Variants in TRIM37 observed in about 807,000 individuals in gnomAD.
TRIM37 encodes E3 ubiquitin-protein ligase TRIM37.
Under a neutral mutation model 129.8 loss-of-function variants are expected in TRIM37, and 80 were observed. The ratio of observed to expected loss-of-function variants is 0.62; its 90% CI spans 0.51 to 0.74. The LOEUF (loss-of-function observed/expected upper bound fraction) is 0.74, where lower values mean the gene tolerates loss of function less well. Ranked by LOEUF, TRIM37 falls within the 30% of genes least tolerant of loss-of-function variation. TRIM37 has a pLI of 0.00. For synonymous variants in TRIM37, 389 were observed against 387.1 expected, an observed-to-expected ratio of 1.00 and a Z score of -0.06; for missense variants, 1,054 against 1,176.5, an observed-to-expected ratio of 0.90 and a Z score of 1.52.
intron 9 of TRIM37, among the ~76,000 whole-genome samples, chr17:59,069,979 A>G (rs1217017575): frequency 6.6e-6 from 1 of 152,234 alleles, no homozygotes; most frequent in Non-Finnish European, 1.5e-5. Context: ...TCGAACTGTG[A>G]GAAAATACAT....
chr17:59,002,379 T>C (rs1046088053), intron 22 of TRIM37, among the ~76,000 whole-genome samples: 9 of 152,022 alleles, frequency 5.9e-5, no homozygotes, highest in Non-Finnish European at 1.5e-5. Context: ...GGTCCACAGG[T>C]ACATGACACC....
chr17:59,010,736 G>A (rs907421308), intron 22 of TRIM37, among the ~76,000 whole-genome samples: 1 of 151,908 alleles, frequency 6.6e-6, no homozygotes, highest in Non-Finnish European at 1.5e-5. Flanking sequence ...CAAGTGATCC[G>A]CCTGCCTCAG....
chr17:59,038,406 C>A lies in TRIM37; in HGVS notation c.1753+3407G>T, dbSNP rs2038790622. Among the ~76,000 whole-genome samples the A allele has an allele frequency of 1.3e-5, 2 of 152,030 alleles. 1 individual carries two copies. The highest frequency in any genetic ancestry group is 1.3e-4 in the Admixed American group (2 of 15,260). On this transcript the variant is annotated intron_variant, in intron 17 of 23. Coordinates refer to ENST00000262294, the MANE Select transcript of TRIM37 (RefSeq NM_015294.6). ...ATTTCTGCCAAATACATAAATTTCCCAAAGCATATAATAAAAATAAACTGG... is the reference window on the plus strand; with the variant it reads ...ATTTCTGCCAAATACATAAATTTCCAAAAGCATATAATAAAAATAAACTGG...
intron 16 of TRIM37, 139 bp from the exon 17 acceptor site, chr17:59,042,037 C>A: frequency 1.5e-6 from 1 of 683,430 alleles, no homozygotes; most frequent in Non-Finnish European, 2.5e-6. Flanking sequence ...AGATTTTTGT[C>A]ATTTTCCAAA....
In TRIM37 at chr17:59,015,784, G is replaced by A. The variant is rs1178454397; in HGVS notation, c.2402C>T (p.Ser801Phe). ...QTLSEGSPGS[S>F]QSGSRHSSPR... ...AGAACTGTGCCTGCTCCCAGACTGA[G>A]AGCTTCCTGGGGAGCCTTCAAAAAA... is the stretch of plus-strand genomic sequence containing the variant. The change falls in exon 21 of 24, where the codon TCT (serine) becomes TTT (phenylalanine). Residue 801 changes from serine (S) to phenylalanine (F), a missense_variant. Ser to Phe is a radical substitution (Grantham distance 155). Coordinates refer to ENST00000262294, the MANE Select transcript of TRIM37 (RefSeq NM_015294.6). 6.2e-6 allele frequency: 10 copies of A among 1,613,230 alleles called. No individual in the cohort carries two copies. Among genetic ancestry groups the A allele is most frequent in the Non-Finnish European group, 8.5e-6 (10 of 1,179,954 alleles).
downstream of TRIM37, among the ~76,000 whole-genome samples, chr17:58,977,947 T>C (rs1205448691): frequency 2.6e-5 from 4 of 152,214 alleles, no homozygotes; most frequent in Non-Finnish European, 5.9e-5. Context: ...TTCACCATGA[T>C]GGCCAGGCTG....
At chr17:58,992,322 A>AATATATATATAT (rs35222079) in intron 24 of TRIM37, among the ~76,000 whole-genome samples, 1 of 137,792 alleles carries the variant, frequency 7.3e-6, no homozygotes, top group African/African-American at 2.7e-5. Context: ...TACATATGTA[A>AATATATATATAT]ATATATATAT....
At chr17:59,057,874 C>T (rs1488893245) in intron 12 of TRIM37, among the ~76,000 whole-genome samples, 1 of 152,004 alleles carries the variant, frequency 6.6e-6, no homozygotes, top group Non-Finnish European at 1.5e-5. Flanking sequence ...GCAATAGGTC[C>T]TTTTTTCCTC....
intron 3 of TRIM37, among the ~76,000 whole-genome samples, chr17:59,090,926 G>A (rs1462700207): frequency 6.6e-6 from 1 of 151,968 alleles, no homozygotes; most frequent in African/African-American, 2.4e-5. Flanking sequence ...CACTGTGCCC[G>A]GCCAAGCTAT....
downstream of TRIM37, chr17:58,980,422 T>C: frequency 6.2e-7 from 1 of 1,614,088 alleles, no homozygotes; most frequent in Admixed American, 1.7e-5. The surrounding 1 kb of genome is among the most constrained non-coding windows in gnomAD (Gnocchi z 4.7). Flanking sequence ...CTGATAGAAC[T>C]AGCCTGAGCC....
intron 13 of TRIM37, among the ~76,000 whole-genome samples, chr17:59,054,934 G>A (rs955955921): frequency 7.9e-5 from 12 of 152,026 alleles, no homozygotes; most frequent in African/African-American, 2.9e-4. Flanking sequence ...CCAAAGTGCT[G>A]GGATTACAGG....
chr17:59,020,669 G>A (rs1258437724), intron 19 of TRIM37, among the ~76,000 whole-genome samples: 4 of 152,088 alleles, frequency 2.6e-5, no homozygotes. Context: ...GTAAAAATCT[G>A]AATAGATATT....
At chr17:59,053,548 T>C (rs1308764927) in intron 13 of TRIM37, among the ~76,000 whole-genome samples, 16 of 152,190 alleles carry the variant, frequency 1.1e-4, no homozygotes. Context: ...GCATATGGTA[T>C]AGACTCAATG....
intron 1 of TRIM37, among the ~76,000 whole-genome samples, chr17:59,106,033 T>C (rs1456880878): frequency 6.6e-6 from 1 of 152,156 alleles, no homozygotes; most frequent in Non-Finnish European, 1.5e-5. Context: ...GCCTGCAAAA[T>C]GTGCCACTGA....
chr17:59,104,147 A>G, intron 2 of TRIM37, 146 bp downstream of exon 2: 1 of 688,102 alleles, frequency 1.5e-6, no homozygotes, highest in Non-Finnish European at 2.5e-6. Context: ...GCAATTTGTC[A>G]TTTATCTTAG....
chr17:59,057,530 G>A (rs1300153365), intron 12 of TRIM37, among the ~76,000 whole-genome samples: 6 of 151,812 alleles, frequency 4.0e-5, no homozygotes, highest in Admixed American at 1.3e-4. Context: ...GTATTTTTTT[G>A]TTTGCTTTTT....
intron 19 of TRIM37, among the ~76,000 whole-genome samples, chr17:59,018,019 G>A (rs570266351): frequency 2.6e-5 from 4 of 151,962 alleles, no homozygotes; most frequent in South Asian, 2.1e-4. Flanking sequence ...TATATAACCC[G>A]TCAAACATTT....
At chr17:59,053,521 T>TAGC (rs1346552282) in intron 13 of TRIM37, among the ~76,000 whole-genome samples, 1 of 152,160 alleles carries the variant, frequency 6.6e-6, no homozygotes, top group East Asian at 1.9e-4. Flanking sequence ...TTTTTCTTAT[T>TAGC]AGCAACTCAG....
intron 14 of TRIM37, among the ~76,000 whole-genome samples, chr17:59,050,979 C>CA (rs1488137271): frequency 1.3e-5 from 2 of 151,298 alleles, no homozygotes; most frequent in Non-Finnish European, 2.9e-5. Flanking sequence ...GACTCCTTCT[C>CA]AAAAAAAATA....
Sources: allele counts gnomAD v4.1 joint callset (sites outside exome capture counted in the v4.1 genomes callset), GRCh38; gene constraint gnomAD v4.1.1; non-coding constraint Gnocchi (gnomAD v3.1); transcripts MANE v1.5; gene names NCBI Gene and HGNC (gene_info 2026-07-23, HGNC 2026-07-21).